EPB41L2: variants seen among roughly 807,000 people sequenced by gnomAD.
The protein encoded by EPB41L2 is band 4.1-like protein 2.
In EPB41L2, 43 loss-of-function variants were observed where a neutral mutation model predicts 113.0. The observed-to-expected ratio is 0.38, with a 90% CI of 0.30 to 0.49. The LOEUF is 0.49. EPB41L2 is among the 20% of genes least tolerant of loss of function. EPB41L2 has a pLI of 0.95. For missense variants in EPB41L2, 1,147 were observed against 1,223.4 expected, an observed-to-expected ratio of 0.94 and a Z score of 0.93; for synonymous variants, 442 against 436.7, an observed-to-expected ratio of 1.01 and a Z score of -0.15.
At chr6:130,907,725 G>C (rs765885374) in intron 5 of EPB41L2, among the ~76,000 whole-genome samples, 1 of 152,172 alleles carries the variant, frequency 6.6e-6, no homozygotes, top group Non-Finnish European at 1.5e-5. Flanking sequence ...TAAATAATTC[G>C]AGAGAGAAAG....
intron 1 of EPB41L2, among the ~76,000 whole-genome samples, chr6:131,055,275 C>G (rs1008169496): frequency 6.6e-6 from 1 of 152,114 alleles, no homozygotes; most frequent in African/African-American, 2.4e-5. Context: ...AGTGCAAAAC[C>G]ACAGGAAAGG....
Position 130,926,629 on chromosome 6 carries a change from C to T in EPB41L2, c.786G>A (p.Leu262=). 6.2e-7 allele frequency: 1 copy of T among 1,607,726 alleles called. No homozygotes were observed. Among genetic ancestry groups the T allele is most frequent in the Non-Finnish European group, 8.5e-7 (1 of 1,178,096 alleles). ...CTTTCTGCTCAGGGCTTTCCTGAAA[C>T]AAAAGTCCAAAGTAGTCTTTCTCCA... The part of the protein sequence containing the change: ...NLLEKDYFGL[L]FQESPEQKNW... The change falls in exon 4 of 20, where the codon TTG becomes TTA. Residue 262 remains leucine, a synonymous_variant. Coordinates refer to ENST00000337057, the MANE Select transcript of EPB41L2 (RefSeq NM_001431.4).
rs139708296 is a variant in EPB41L2, at chr6:130,870,009, C to T, written c.2161G>A (p.Gly721Arg). The change falls in exon 15 of 20, where the codon GGG becomes AGG. Residue 721 changes from glycine to arginine, a missense_variant. By Grantham distance (125) the Gly-to-Arg change is moderately radical. Transcript: ENST00000337057. ...GKEISPGSGP[G>R]EIRKVEPVTQ... ...ACAGGCTCCACCTTACGAATCTCCC[C>T]AGGACCACTCCCAGGTGATATCTCT... is the stretch of plus-strand genomic sequence containing the variant. 5.4e-4 allele frequency: 879 copies of T among 1,613,870 alleles called. 4 individuals are homozygous for T. Among genetic ancestry groups the T allele is most frequent in the Non-Finnish European group, 6.6e-4 (776 of 1,180,030 alleles).
intron 1 of EPB41L2, among the ~76,000 whole-genome samples, chr6:130,970,103 G>T (rs1040891132): frequency 6.6e-6 from 1 of 152,106 alleles, no homozygotes; most frequent in African/African-American, 2.4e-5. Context: ...TTGCGAAACA[G>T]TGTACGTACC....
At chr6:131,053,047 C>T (rs1283116189) in intron 1 of EPB41L2, among the ~76,000 whole-genome samples, 2 of 151,928 alleles carry the variant, frequency 1.3e-5, no homozygotes, top group Admixed American at 1.3e-4. Flanking sequence ...CAGGCATGCA[C>T]CACCACGCCT....
At chr6:130,855,747 A>G (rs1780038934) in intron 19 of EPB41L2, among the ~76,000 whole-genome samples, 1 of 152,212 alleles carries the variant, frequency 6.6e-6, no homozygotes, top group Non-Finnish European at 1.5e-5. Flanking sequence ...CCCCATATTG[A>G]ACTACAGAGT....
chr6:130,988,871 C>T (rs964396892), intron 1 of EPB41L2, among the ~76,000 whole-genome samples: 4 of 152,138 alleles, frequency 2.6e-5, no homozygotes, highest in Non-Finnish European at 5.9e-5. Flanking sequence ...GGCGGATCAC[C>T]TGAGGTCAGG....
intron 1 of EPB41L2, among the ~76,000 whole-genome samples, chr6:131,029,859 T>TA (rs148315239): frequency 0.027 from 4,156 of 152,040 alleles, 180 homozygotes; most frequent in African/African-American, 0.094. Context: ...CTGAGCCCTT[T>TA]ATCCAACAAT....
At chr6:130,868,412 A>T (rs1223588126) in intron 15 of EPB41L2, 1 of 152,240 alleles carries the variant, frequency 6.6e-6, no homozygotes, top group Non-Finnish European at 1.5e-5. Flanking sequence ...CCGAGTATGC[A>T]TGCTTAATAT....
chr6:131,049,132 A>C (rs1796064340), intron 1 of EPB41L2, among the ~76,000 whole-genome samples: 1 of 152,242 alleles, frequency 6.6e-6, no homozygotes, highest in Non-Finnish European at 1.5e-5. Context: ...GAGCTGCAAA[A>C]GTTTAGAATA....
chr6:130,952,934 T>C (rs1815740476), intron 3 of EPB41L2, among the ~76,000 whole-genome samples: 1 of 151,726 alleles, frequency 6.6e-6, no homozygotes, highest in African/African-American at 2.4e-5. Flanking sequence ...TTATGATTTT[T>C]TTTAAAAAAG....
rs942053131 is a variant in EPB41L2, at chr6:131,061,920, C to T, written c.-15+1235G>A. On this transcript the variant is annotated intron_variant, in intron 1 of 19. Transcript: ENST00000337057. ...AATAACAGTAACAAGAGGAACAAGA[C>T]GCCTGGCACACACATGCCATTTCAG... Among the ~76,000 whole-genome samples the T allele has an allele frequency of 6.6e-5, 10 of 152,174 alleles. No homozygotes were observed. In the East Asian group the frequency reaches 1.5e-3, roughly 24 times the overall value.
At chr6:130,967,827 T>C (rs1255229394) in intron 1 of EPB41L2, among the ~76,000 whole-genome samples, 1 of 152,238 alleles carries the variant, frequency 6.6e-6, no homozygotes, top group Non-Finnish European at 1.5e-5. Context: ...AGTGGCTTCC[T>C]GATAAATATC....
At chr6:130,920,569 C>T (rs1051077058) in intron 4 of EPB41L2, among the ~76,000 whole-genome samples, 6 of 152,182 alleles carry the variant, frequency 3.9e-5, no homozygotes, top group Admixed American at 3.3e-4. Flanking sequence ...AATCACAGCT[C>T]ATTGCTGCCT....
intron 1 of EPB41L2, among the ~76,000 whole-genome samples, chr6:131,023,128 A>G (rs1789895871): frequency 6.6e-6 from 1 of 152,226 alleles, no homozygotes; most frequent in South Asian, 2.1e-4. Flanking sequence ...ATTTTACATA[A>G]AGTTTCATAA....
chr6:131,022,375 C>G (rs1789710865), intron 1 of EPB41L2, among the ~76,000 whole-genome samples: 1 of 152,156 alleles, frequency 6.6e-6, no homozygotes, highest in African/African-American at 2.4e-5. Context: ...TACATTCTTT[C>G]TACTCCTAGT....
intron 1 of EPB41L2, among the ~76,000 whole-genome samples, chr6:130,986,294 A>G (rs1780538893): frequency 6.6e-6 from 1 of 152,222 alleles, no homozygotes; most frequent in Non-Finnish European, 1.5e-5. Context: ...TCAATAAACT[A>G]GGAGTAACAT....
chr6:130,883,755 T>G (rs1790026303), intron 12 of EPB41L2, among the ~76,000 whole-genome samples: 1 of 152,208 alleles, frequency 6.6e-6, no homozygotes. Flanking sequence ...ACCTTGTTGG[T>G]CACAATTTCT....
rs148973315 is a variant in EPB41L2, at chr6:130,894,450, A to T, written c.1390-9T>A. 341 of 1,612,100 alleles carry T rather than the reference A, an allele frequency of 2.1e-4. 3 individuals are homozygous for T. The East Asian group carries it at 5.3e-3, about 25-fold the overall frequency. ...CTCTCAAACTGTTCCAGCTGGAATA[A>T]ATCCGTAAAACAAATCAGCATATTT... On this transcript the variant is annotated splice_polypyrimidine_tract_variant and intron_variant, in intron 9 of 19. Coordinates refer to ENST00000337057, the MANE Select transcript of EPB41L2 (RefSeq NM_001431.4).
Sources: gnomAD v4.1 joint callset for allele counts (sites outside exome capture counted in the v4.1 genomes callset) on GRCh38, gnomAD v4.1.1 for gene constraint, MANE v1.5 for transcripts, NCBI Gene and HGNC (gene_info 2026-07-23, HGNC 2026-07-21) for gene names.